ANK2: variants seen among roughly 807,000 people sequenced by gnomAD.
ANK2 encodes ankyrin 2.
ANK2 carries 83 observed loss-of-function variants against 360.5 expected under a neutral mutation model. The ratio of observed to expected loss-of-function variants is 0.23; its 90% CI spans 0.19 to 0.28. The LOEUF is 0.28. Among genes scored for constraint, ANK2 ranks in the 10% least tolerant of loss-of-function variants. The pLI is 1.00. For missense variants in ANK2, 4,201 were observed against 4,795.7 expected, an observed-to-expected ratio of 0.88 and a Z score of 3.66; for synonymous variants, 1,740 against 1,759.5, an observed-to-expected ratio of 0.99 and a Z score of 0.28.
chr4:113,145,520 G>T, intron 1 of ANK2: 5 of 891,242 alleles, frequency 5.6e-6, no homozygotes, highest in South Asian at 4.8e-5. Flanking sequence ...CTGCTTGCAT[G>T]GTGAAAAACA....
chr4:113,375,865 T>C lies in ANK2; in HGVS notation c.11859+2416T>C, dbSNP rs190531147. Reference sequence around the variant, plus strand: ...AAGTGAAACTTGAAATAAATTGGCATGGAGCTATTATGACATGAAGCTTTT... The same window carrying C: ...AAGTGAAACTTGAAATAAATTGGCACGGAGCTATTATGACATGAAGCTTTT... On this transcript the variant is annotated intron_variant, in intron 45 of 45. Transcript: ENST00000357077. 6.9e-3 allele frequency among the ~76,000 whole-genome samples: 1,053 copies of C among 152,340 alleles called. 7 individuals carry two copies. The highest frequency in any genetic ancestry group is 0.01 in the Admixed American group (154 of 15,298).
chr4:112,868,701 A>G (rs2071615629), intron 1 of ANK2, among the ~76,000 whole-genome samples: 1 of 152,166 alleles, frequency 6.6e-6, no homozygotes, highest in Non-Finnish European at 1.5e-5. Context: ...GTTTCATTTA[A>G]AAAATTAGGG....
the ANK2 span, among the ~76,000 whole-genome samples, chr4:112,786,228 G>T: frequency 4.1e-5 from 6 of 147,610 alleles, no homozygotes; most frequent in East Asian, 6.0e-4. Context: ...CTGCTGACAG[G>T]TTTGATGAAA....
chr4:113,352,386 G>A (rs1026228057), intron 37 of ANK2, among the ~76,000 whole-genome samples: 3 of 152,154 alleles, frequency 2.0e-5, no homozygotes, highest in Admixed American at 6.6e-5. Context: ...ATGCCTCGTA[G>A]CACCAGACTG....
Position 113,357,100 on chromosome 4 carries a change from G to A in ANK2, c.8482G>A (p.Asp2828Asn). Reference protein sequence around the residue: ...HEKDTEGEELDVSRAESPQAD... With the variant: ...HEKDTEGEELNVSRAESPQAD... ...AAAAGACACAGAGGGAGAAGAGCTT[G>A]ATGTTTCTAGAGCAGAATCTCCACA... The change falls in exon 38 of 46, where the codon GAT becomes AAT. Residue 2828 changes from aspartate to asparagine, a missense_variant. Physicochemically the swap from Asp to Asn is conservative, Grantham distance 23. Around this residue, in one of 4 missense-constraint regions of ANK2, gnomAD observed 2,642 missense variants for 2,714.5 expected, o/e 0.97. Coordinates refer to ENST00000357077, the MANE Select transcript of ANK2 (RefSeq NM_001148.6). 2 of 1,614,076 alleles carry A rather than the reference G, an allele frequency of 1.2e-6. No individual in the cohort carries two copies.
rs61734478 is a variant in ANK2, at chr4:113,355,252, G to A, written c.6634G>A (p.Gly2212Ser). Residue 2212 changes from glycine to serine, a missense_variant, in exon 38 of 46, where the codon GGC becomes AGC. Physicochemically the swap from Gly to Ser is moderately conservative, Grantham distance 56. Coordinates refer to ENST00000357077, the MANE Select transcript of ANK2 (RefSeq NM_001148.6). ...AAGCCTAAAGAATGAGGGGGTAGCC[G>A]GCTCTCCGTGTGGCAGCCTGATGGA... ...SESLKNEGVA[G>S]SPCGSLMEGT... The A allele has an allele frequency of 2.8e-3, 4,531 of 1,614,010 alleles. 131 individuals are homozygous for A. The African/African-American group carries it at 0.052, about 19-fold the overall frequency.
At chr4:112,884,956 TAGAAC>T (rs1302534509) in intron 1 of ANK2, among the ~76,000 whole-genome samples, 1 of 152,230 alleles carries the variant, frequency 6.6e-6, no homozygotes, top group Non-Finnish European at 1.5e-5. Flanking sequence ...TATAACTTAT[TAGAAC>T]AGAAGCCATG....
intron 1 of ANK2, among the ~76,000 whole-genome samples, chr4:112,820,818 A>G (rs541076854): frequency 2.6e-5 from 4 of 151,864 alleles, no homozygotes; most frequent in Non-Finnish European, 4.4e-5. Flanking sequence ...TAGCTCATGT[A>G]ACCTTAAACT....
At chr4:113,214,870 T>TA (rs758283794) in intron 4 of ANK2, among the ~76,000 whole-genome samples, 2 of 152,182 alleles carry the variant, frequency 1.3e-5, no homozygotes, top group Non-Finnish European at 2.9e-5. Context: ...TCATTTCACT[T>TA]ACAAAAAGTG....
chr4:113,236,495 A>G (rs2099385109), intron 5 of ANK2, among the ~76,000 whole-genome samples: 2 of 152,236 alleles, frequency 1.3e-5, no homozygotes, highest in African/African-American at 2.4e-5. Context: ...TTGAACTGGT[A>G]ATAGACAACT....
chr4:113,025,990 T>C (rs1367162014), intron 2 of ANK2, among the ~76,000 whole-genome samples: 1 of 152,154 alleles, frequency 6.6e-6, no homozygotes, highest in Admixed American at 6.5e-5. Flanking sequence ...GTTAAGTAAA[T>C]AAATGAAACT....
At chr4:113,361,993 A>G (rs1166128903) in intron 39 of ANK2, among the ~76,000 whole-genome samples, 1 of 152,196 alleles carries the variant, frequency 6.6e-6, no homozygotes, top group Non-Finnish European at 1.5e-5. Context: ...CTCAGAAGTA[A>G]CTGCTAATAC....
chr4:113,375,464 A>G (rs1589379948), intron 45 of ANK2, among the ~76,000 whole-genome samples: 1 of 151,748 alleles, frequency 6.6e-6, no homozygotes, highest in Non-Finnish European at 1.5e-5. Flanking sequence ...AGTGGCTCAC[A>G]CCTGTAATCC....
At chr4:113,330,615 C>A in intron 27 of ANK2, 145 bp downstream of exon 27, 1 of 776,628 alleles carries the variant, frequency 1.3e-6, no homozygotes, top group Non-Finnish European at 2.1e-6. Flanking sequence ...TTGGAAGTAG[C>A]ACCTCAATGC....
chr4:112,820,210 A>ATT (rs2056607699), intron 1 of ANK2, among the ~76,000 whole-genome samples: 1 of 152,260 alleles, frequency 6.6e-6, no homozygotes, highest in Non-Finnish European at 1.5e-5. Context: ...CTTTATCATC[A>ATT]CATTAGGCTA....
At chr4:112,823,234 A>AGTGAGGGT (rs1392594159) in intron 1 of ANK2, among the ~76,000 whole-genome samples, 1 of 152,208 alleles carries the variant, frequency 6.6e-6, no homozygotes, top group East Asian at 1.9e-4. Flanking sequence ...CTACTGGTTG[A>AGTGAGGGT]GTGAGGGTAT....
chr4:113,342,916 T>C (rs562885738), intron 33 of ANK2, 101 bp from the exon 34 acceptor site: 1 of 1,428,724 alleles, frequency 7.0e-7, no homozygotes, highest in African/African-American at 1.4e-5. Flanking sequence ...TGTATGTGTA[T>C]TATAAGAATT....
Position 113,356,131 on chromosome 4 carries a change from G to A in ANK2, c.7513G>A (p.Val2505Met), listed in dbSNP as rs1467125616. 2 of 1,613,964 alleles carry A rather than the reference G, an allele frequency of 1.2e-6. No homozygotes were observed. The highest frequency in any genetic ancestry group is 1.3e-5 in the African/African-American group (1 of 74,894). ...KTELLTEVAS[V>M]RSRLLRDPDG... ...AGAACTCTTGACGGAAGTGGCCTCT[G>A]TGCGGTCCCGGCTACTCCGAGACCC... Residue 2505 changes from valine to methionine, a missense_variant, in exon 38 of 46, where the codon GTG becomes ATG. Physicochemically the swap from Val to Met is conservative, Grantham distance 21. Coordinates refer to ENST00000357077, the MANE Select transcript of ANK2 (RefSeq NM_001148.6).
At chr4:112,962,896 G>C (rs2035542137) in intron 2 of ANK2, among the ~76,000 whole-genome samples, 1 of 152,106 alleles carries the variant, frequency 6.6e-6, no homozygotes. Flanking sequence ...TTTTCTCTGG[G>C]AATCTCCAGT....
Sources: allele counts gnomAD v4.1 joint callset (sites outside exome capture counted in the v4.1 genomes callset), GRCh38; gene constraint gnomAD v4.1.1; regional missense constraint gnomAD v4.1.1; transcripts MANE v1.5; gene names NCBI Gene and HGNC (gene_info 2026-07-23, HGNC 2026-07-21).